SSBP3: variants seen among roughly 807,000 people sequenced by gnomAD.
SSBP3 encodes single-stranded DNA-binding protein 3.
In SSBP3, 5 loss-of-function variants were observed where a neutral mutation model predicts 69.6. The ratio of observed to expected loss-of-function variants is 0.07; its 90% CI spans 0.04 to 0.15. SSBP3 has a LOEUF of 0.15. Among genes scored for constraint, SSBP3 ranks in the 10% least tolerant of loss-of-function variants. SSBP3 has a pLI of 1.00. For missense variants in SSBP3, 312 were observed against 534.0 expected (o/e 0.58, Z 4.10); for synonymous variants, 196 against 193.4 (o/e 1.01, Z -0.11).
chr1:54,232,772 C>T (rs895444653), intron 14 of SSBP3, among the ~76,000 whole-genome samples: 8 of 152,322 alleles, frequency 5.3e-5, no homozygotes, highest in African/African-American at 1.2e-4. Context: ...TTGGTGGAGA[C>T]GGGGTTTCGC....
intron 14 of SSBP3, among the ~76,000 whole-genome samples, chr1:54,235,625 G>A (rs936301510): frequency 6.6e-6 from 1 of 151,696 alleles, no homozygotes; most frequent in Non-Finnish European, 1.5e-5. Flanking sequence ...GCTAATTTTC[G>A]TATTTTTAGT....
chr1:54,407,086 T>G (rs959979643), upstream of SSBP3, among the ~76,000 whole-genome samples: 2 of 151,604 alleles, frequency 1.3e-5, no homozygotes, highest in Non-Finnish European at 2.9e-5. Context: ...ACTAGATCAT[T>G]AAAATACTTT....
At chr1:54,288,787 G>A (rs944553017) in intron 4 of SSBP3, among the ~76,000 whole-genome samples, 2 of 152,018 alleles carry the variant, frequency 1.3e-5, no homozygotes, top group Non-Finnish European at 2.9e-5. Context: ...GGGAGGCCAA[G>A]GTGGGCGGAT....
At chr1:54,232,234 C>T (rs1472320196) in intron 14 of SSBP3, among the ~76,000 whole-genome samples, 1 of 152,130 alleles carries the variant, frequency 6.6e-6, no homozygotes, top group Non-Finnish European at 1.5e-5. Context: ...ATTTTTATAA[C>T]GTTTCTGTCC....
chr1:54,388,114 G>A (rs1648219783), intron 4 of SSBP3, among the ~76,000 whole-genome samples: 1 of 152,020 alleles, frequency 6.6e-6, no homozygotes. Flanking sequence ...ATCTCACCGA[G>A]AAGCAAACTG....
At chr1:54,251,743 G>C in intron 8 of SSBP3, 51 bp from the exon 9 acceptor site, 1 of 1,591,754 alleles carries the variant, frequency 6.3e-7, no homozygotes, top group Non-Finnish European at 8.6e-7. Flanking sequence ...GAGGGAGGAG[G>C]AGCCCCTCCT....
In SSBP3 at chr1:54,243,171, G is replaced by A. The variant is rs574763279; in HGVS notation, c.716+64C>T. 1.1e-5 allele frequency: 16 copies of A among 1,460,034 alleles called. No homozygotes were observed. In the East Asian group the frequency reaches 3.6e-4, roughly 33 times the overall value. The allele number at this position is 1,460,034 out of a possible 1,614,324, so 90.4% of individuals were successfully genotyped here. Reference sequence around the variant, plus strand: ...GACCCCTTATCATGAGTCTCCCAGGGTGCTGGCAGAGGGTGGGGGAAGACC... The same window carrying A: ...GACCCCTTATCATGAGTCTCCCAGGATGCTGGCAGAGGGTGGGGGAAGACC... On this transcript the variant is annotated intron_variant, in intron 10 of 17. Transcript: ENST00000610401.
At chr1:54,279,527 T>C (rs1645353334) in intron 5 of SSBP3, among the ~76,000 whole-genome samples, 1 of 152,144 alleles carries the variant, frequency 6.6e-6, no homozygotes, top group South Asian at 2.1e-4. Flanking sequence ...ACCACAGTGG[T>C]CTAATCTGCA....
At chr1:54,240,883 CT>C (rs777049702) in intron 13 of SSBP3, 21 bp downstream of exon 13, 2 of 1,613,076 alleles carry the variant, frequency 1.2e-6, no homozygotes, top group East Asian at 2.2e-5. Flanking sequence ...AGACCCCCCA[CT>C]TTCCCCTCAA....
intron 5 of SSBP3, among the ~76,000 whole-genome samples, chr1:54,276,542 C>T (rs887719786): frequency 3.2e-5 from 4 of 126,660 alleles, no homozygotes; most frequent in Non-Finnish European, 3.2e-5. Flanking sequence ...ACCCGGGAGG[C>T]GGAGGTTGCA....
intron 5 of SSBP3, among the ~76,000 whole-genome samples, chr1:54,274,466 G>A (rs1390289384): frequency 6.6e-6 from 1 of 152,126 alleles, no homozygotes; most frequent in South Asian, 2.1e-4. Context: ...GGAGGGCTAG[G>A]CTGGGCAGCC....
At chr1:54,289,281 G>A (rs991829738) in intron 4 of SSBP3, among the ~76,000 whole-genome samples, 1 of 151,548 alleles carries the variant, frequency 6.6e-6, no homozygotes, top group Non-Finnish European at 1.5e-5. Flanking sequence ...CAAGGGGTGT[G>A]TATGTGTGTG....
At chr1:54,407,152 C>CG (rs1030949725), upstream of SSBP3, among the ~76,000 whole-genome samples, 4 of 147,466 alleles carry the variant, frequency 2.7e-5, no homozygotes, top group Middle Eastern at 6.8e-3. Context: ...TTTGGGGAGC[C>CG]GGGGGGGAGG....
At chr1:54,280,502 T>C (rs980698753) in intron 5 of SSBP3, among the ~76,000 whole-genome samples, 1 of 152,192 alleles carries the variant, frequency 6.6e-6, no homozygotes, top group African/African-American at 2.4e-5. Flanking sequence ...CTTTCCATGT[T>C]CTTATCTGGG....
chr1:54,399,675 C>A (rs1289611686), intron 4 of SSBP3, among the ~76,000 whole-genome samples: 1 of 145,132 alleles, frequency 6.9e-6, no homozygotes, highest in Non-Finnish European at 1.5e-5. Context: ...AAGGAGTCAG[C>A]AAGAAGCTAC....
intron 4 of SSBP3, among the ~76,000 whole-genome samples, chr1:54,291,365 C>T (rs1645603660): frequency 7.2e-5 from 11 of 152,108 alleles, no homozygotes; most frequent in Admixed American, 7.2e-4. Flanking sequence ...GCGCATAATT[C>T]AAACCCAACA....
At chr1:54,369,218 C>CG (rs11433392) in intron 4 of SSBP3, among the ~76,000 whole-genome samples, 39,186 of 123,884 alleles carry the variant, frequency 0.32, 5,960 homozygotes, top group East Asian at 0.51. Context: ...CCTCTTGAGT[C>CG]GGGGGGGGGG....
At chr1:54,292,262 A>G (rs1323976338) in intron 4 of SSBP3, among the ~76,000 whole-genome samples, 2 of 152,332 alleles carry the variant, frequency 1.3e-5, no homozygotes, top group Admixed American at 1.3e-4. Context: ...AACATCCACA[A>G]TTAATTCCCC....
At chr1:54,316,586 A>C (rs1646102725) in intron 4 of SSBP3, among the ~76,000 whole-genome samples, 1 of 145,322 alleles carries the variant, frequency 6.9e-6, no homozygotes. Context: ...GCTTGCAGTG[A>C]GCCGAGATTG....
Sources: gnomAD v4.1 joint callset for allele counts (sites outside exome capture counted in the v4.1 genomes callset) on GRCh38, gnomAD v4.1.1 for gene constraint, MANE v1.5 for transcripts, NCBI Gene and HGNC (gene_info 2026-07-23, HGNC 2026-07-21) for gene names.